Variants in IGF1 observed in about 807,000 individuals in gnomAD.
IGF1 encodes the protein insulin like growth factor 1, also known as insulin-like growth factor 1.
In IGF1, 4 loss-of-function variants were observed where a neutral mutation model predicts 13.8. The observed-to-expected ratio is 0.29, with a 90% CI of 0.14 to 0.66. IGF1 has a LOEUF of 0.66. Among genes scored for constraint, IGF1 ranks in the 30% least tolerant of loss-of-function variants. IGF1 has a pLI of 0.78. For missense variants in IGF1, 124 were observed against 188.5 expected, an observed-to-expected ratio of 0.66 and a Z score of 2.00; for synonymous variants, 76 against 72.6, an observed-to-expected ratio of 1.05 and a Z score of -0.23.
intron 2 of IGF1, among the ~76,000 whole-genome samples, chr12:102,445,122 C>A (rs1250205440): frequency 6.6e-6 from 1 of 151,980 alleles, no homozygotes; most frequent in Non-Finnish European, 1.5e-5. Context: ...CAGTACCATG[C>A]TGTTTTGGTT....
chr12:102,457,687 A>T (rs1056753522), intron 2 of IGF1, among the ~76,000 whole-genome samples: 1 of 152,236 alleles, frequency 6.6e-6, no homozygotes, highest in East Asian at 1.9e-4. Flanking sequence ...TTGGAAATTC[A>T]GTAAACATAT....
rs986851797 is a variant in IGF1, at chr12:102,400,174, G to A, written c.*2333C>T. 2.0e-5 allele frequency: 3 copies of A among 150,180 alleles called. No individual in the cohort carries two copies. Among genetic ancestry groups the A allele is most frequent in the African/African-American group, 7.3e-5 (3 of 40,846 alleles). The allele number at this position is 150,180 out of a possible 1,614,324, so 9.3% of individuals were successfully genotyped here. ...GGCCTCTGATCCTTGAGGTGACCCA[G>A]TGGGAGAAAAACTGAAGATGTTATT... On this transcript the variant is annotated 3_prime_UTR_variant, in exon 4 of 4. Coordinates refer to ENST00000337514, the MANE Select transcript of IGF1 (RefSeq NM_000618.5).
intron 2 of IGF1, among the ~76,000 whole-genome samples, chr12:102,440,058 C>T (rs138425494): frequency 9.0e-4 from 137 of 152,266 alleles, no homozygotes; most frequent in African/African-American, 3.0e-3. Context: ...GGCAAGGGAC[C>T]GGACCTAAGG....
At position 102,399,880 on chromosome 12, in the gene IGF1, T is replaced by G. The variant is rs1225595180; in HGVS notation, c.*2627A>C. 2 of 152,166 alleles carry G rather than the reference T, an allele frequency of 1.3e-5. No individual in the cohort carries two copies. Among genetic ancestry groups the G allele is most frequent in the East Asian group, 3.8e-4 (2 of 5,196 alleles). The allele number at this position is 152,166 out of a possible 1,614,324, so 9.4% of individuals were successfully genotyped here. On this transcript the variant is annotated 3_prime_UTR_variant, in exon 4 of 4. Transcript: ENST00000337514. ...ACTGGGGACAAGAAATAAAAAGAAG[T>G]GCCATCTTGGGAAGAGGAGTCCAGT... is the stretch of plus-strand genomic sequence containing the variant.
rs149236796 is a variant in IGF1 at position 102,460,547 on chromosome 12, G to A, written c.220+15096C>T. The stretch of plus-strand genomic sequence containing the variant: ...AGCTGATGATTCTACAATTAAATTG[G>A]GCAGAGCTATAATTTTACTTCCATA... On this transcript the variant is annotated intron_variant, in intron 2 of 3. Coordinates refer to ENST00000337514, the MANE Select transcript of IGF1 (RefSeq NM_000618.5). Among the ~76,000 whole-genome samples, 170 of 152,186 alleles carry A rather than the reference G, an allele frequency of 1.1e-3. 2 individuals carry two copies. Among genetic ancestry groups the A allele is most frequent in the South Asian group, 4.6e-3 (22 of 4,814 alleles).
chr12:102,480,227 A>T, intron 1 of IGF1, 92 bp downstream of exon 1: 1 of 1,266,822 alleles, frequency 7.9e-7, no homozygotes, highest in Non-Finnish European at 1.1e-6. Flanking sequence ...AACAATGAAA[A>T]TTTTAAAGTG....
At chr12:102,460,283 A>C (rs937200931) in intron 2 of IGF1, among the ~76,000 whole-genome samples, 1 of 152,204 alleles carries the variant, frequency 6.6e-6, no homozygotes, top group Admixed American at 6.5e-5. Context: ...ATTGCTCTAG[A>C]ATATCAATTC....
At chr12:102,450,451 G>A (rs898245485) in intron 2 of IGF1, among the ~76,000 whole-genome samples, 2 of 152,224 alleles carry the variant, frequency 1.3e-5, no homozygotes, top group Non-Finnish European at 2.9e-5. Context: ...AACAGCCATC[G>A]TACACTGCTC....
chr12:102,451,394 T>G (rs1878915769), intron 2 of IGF1, among the ~76,000 whole-genome samples: 1 of 152,238 alleles, frequency 6.6e-6, no homozygotes, highest in Non-Finnish European at 1.5e-5. Flanking sequence ...AGTAATGAAC[T>G]TCCAGGAAGC....
At chr12:102,414,354 A>G (rs1317908333) in intron 3 of IGF1, among the ~76,000 whole-genome samples, 6 of 152,212 alleles carry the variant, frequency 3.9e-5, no homozygotes, top group Non-Finnish European at 7.3e-5. Context: ...AGTAAGAGCC[A>G]AGATTTGAAC....
rs1873738809 is a variant in IGF1, at chr12:102,402,227, G to A, written c.*280C>T. On this transcript the variant is annotated 3_prime_UTR_variant, in exon 4 of 4. Coordinates refer to ENST00000337514, the MANE Select transcript of IGF1 (RefSeq NM_000618.5). The stretch of plus-strand genomic sequence containing the variant: ...GTGGCTCTTGAGAGGCAGGGACTAA[G>A]ATATATATATATATATATTTTTTTT... 1 of 197,186 alleles carries A rather than the reference G, an allele frequency of 5.1e-6. No homozygotes were observed. Among genetic ancestry groups the A allele is most frequent in the African/African-American group, 2.4e-5 (1 of 40,968 alleles). The allele number at this position is 197,186 out of a possible 1,614,324, so 12.2% of individuals were successfully genotyped here.
At chr12:102,406,417 A>G (rs1190043224) in intron 3 of IGF1, among the ~76,000 whole-genome samples, 2 of 152,224 alleles carry the variant, frequency 1.3e-5, no homozygotes, top group African/African-American at 4.8e-5. Context: ...TCACTTCAGC[A>G]GCTTGTCCAA....
At chr12:102,443,935 C>A (rs1878084497) in intron 2 of IGF1, among the ~76,000 whole-genome samples, 1 of 152,004 alleles carries the variant, frequency 6.6e-6, no homozygotes, top group South Asian at 2.1e-4. Context: ...TCAAGTGATT[C>A]TCCTGCCTCA....
At chr12:102,439,718 G>GAAA (rs5800511) in intron 2 of IGF1, among the ~76,000 whole-genome samples, 2 of 138,570 alleles carry the variant, frequency 1.4e-5, no homozygotes, top group Non-Finnish European at 3.1e-5. Flanking sequence ...CTAGGAGAAG[G>GAAA]AAAAAAAAAA....
At chr12:102,452,050 T>C (rs1037041091) in intron 2 of IGF1, among the ~76,000 whole-genome samples, 5 of 151,794 alleles carry the variant, frequency 3.3e-5, no homozygotes, top group Admixed American at 2.0e-4. Context: ...ATCACGAGGT[T>C]AGAAGATCAA....
At chr12:102,424,114 A>C (rs1433852072) in intron 2 of IGF1, among the ~76,000 whole-genome samples, 1 of 152,178 alleles carries the variant, frequency 6.6e-6, no homozygotes, top group Admixed American at 6.5e-5. Flanking sequence ...TAATAAAAAA[A>C]CGCAAACGTT....
At position 102,451,649 on chromosome 12, in the gene IGF1, C is replaced by T. The variant is rs192127289; in HGVS notation, c.220+23994G>A. ...GTATAGCTCACCGCTCAGATGATTC[C>T]AGTGCACAGGGATCTCTCCCTTCCT... is the stretch of plus-strand genomic sequence containing the variant. On this transcript the variant is annotated intron_variant, in intron 2 of 3. Coordinates refer to ENST00000337514, the MANE Select transcript of IGF1 (RefSeq NM_000618.5). Among the ~76,000 whole-genome samples, 442 of 152,288 alleles carry T rather than the reference C, an allele frequency of 2.9e-3. 1 individual carries two copies. Among genetic ancestry groups the T allele is most frequent in the Non-Finnish European group, 4.9e-3 (336 of 68,024 alleles).
chr12:102,414,731 C>G (rs1057018489), intron 3 of IGF1, among the ~76,000 whole-genome samples: 1 of 152,116 alleles, frequency 6.6e-6, no homozygotes, highest in Non-Finnish European at 1.5e-5. Flanking sequence ...GCCTTAAGGA[C>G]TATATTTTAG....
At chr12:102,438,638 A>C (rs1339012561) in intron 2 of IGF1, among the ~76,000 whole-genome samples, 3 of 152,102 alleles carry the variant, frequency 2.0e-5, no homozygotes, top group Non-Finnish European at 4.4e-5. Flanking sequence ...TCCTTCTTTT[A>C]TCTCTTCTTT....
Sources: gnomAD v4.1 joint callset for allele counts (sites outside exome capture counted in the v4.1 genomes callset) on GRCh38, gnomAD v4.1.1 for gene constraint, MANE v1.5 for transcripts, NCBI Gene and HGNC (gene_info 2026-07-23, HGNC 2026-07-21) for gene names.